UBE2H: variants seen among roughly 807,000 people sequenced by gnomAD.
UBE2H encodes the protein ubiquitin-conjugating enzyme E2 H.
UBE2H carries 3 observed loss-of-function variants against 29.0 expected under a neutral mutation model. That is an observed-to-expected ratio of 0.10 (90% CI 0.05 to 0.27). UBE2H has a LOEUF of 0.27. Ranked by LOEUF, UBE2H falls within the 10% of genes least tolerant of loss-of-function variation. The probability of loss-of-function intolerance (pLI) is 1.00; values close to 1 mark genes in which losing one functional copy is unlikely to be tolerated. For missense variants in UBE2H, 68 were observed against 228.2 expected, an observed-to-expected ratio of 0.30 and a Z score of 4.52; for synonymous variants, 69 against 82.9, an observed-to-expected ratio of 0.83 and a Z score of 0.91.
chr7:129,934,959 A>G (rs868343838), intron 1 of UBE2H, among the ~76,000 whole-genome samples: 25 of 149,636 alleles, frequency 1.7e-4, no homozygotes, highest in African/African-American at 2.5e-4. Flanking sequence ...GTGTGTGTGT[A>G]TATATATGTG....
At chr7:129,947,937 C>G (rs1168772937) in intron 1 of UBE2H, among the ~76,000 whole-genome samples, 2 of 152,148 alleles carry the variant, frequency 1.3e-5, no homozygotes, top group Non-Finnish European at 1.5e-5. Flanking sequence ...ACCACAACCT[C>G]CGCCTCATGG....
chr7:129,854,637 A>C (rs1805672695), intron 5 of UBE2H, among the ~76,000 whole-genome samples: 1 of 152,224 alleles, frequency 6.6e-6, no homozygotes, highest in African/African-American at 2.4e-5. Context: ...AAACTTACTC[A>C]TGTTGGCCAC....
intron 5 of UBE2H, chr7:129,839,738 T>G (rs1805393053): frequency 4.1e-6 from 1 of 243,632 alleles, no homozygotes; most frequent in African/African-American, 2.4e-5. Context: ...TGAGACAGAG[T>G]CTTGCTCTAT....
chr7:129,903,885 TAG>T (rs1806765725), intron 1 of UBE2H, among the ~76,000 whole-genome samples: 1 of 152,182 alleles, frequency 6.6e-6, no homozygotes, highest in Non-Finnish European at 1.5e-5. Flanking sequence ...GCCTCGGCAA[TAG>T]AGTGACACCC....
At chr7:129,846,314 C>T (rs1050452147) in intron 5 of UBE2H, among the ~76,000 whole-genome samples, 2 of 151,690 alleles carry the variant, frequency 1.3e-5, no homozygotes, top group African/African-American at 4.8e-5. Flanking sequence ...TCAATAACAG[C>T]CTGGGCAACA....
At chr7:129,913,850 G>C (rs1806989514) in intron 1 of UBE2H, among the ~76,000 whole-genome samples, 1 of 152,142 alleles carries the variant, frequency 6.6e-6, no homozygotes, top group Non-Finnish European at 1.5e-5. Context: ...ATCTAGTAGG[G>C]AGCGGGTGAC....
intron 1 of UBE2H, among the ~76,000 whole-genome samples, chr7:129,934,957 G>A (rs200578762): frequency 4.0e-5 from 6 of 149,410 alleles, no homozygotes; most frequent in South Asian, 2.1e-4. Flanking sequence ...GTGTGTGTGT[G>A]TATATATATG....
chr7:129,935,017 G>GTA (rs1203975010), intron 1 of UBE2H, among the ~76,000 whole-genome samples: 183 of 151,372 alleles, frequency 1.2e-3, no homozygotes, highest in Non-Finnish European at 1.0e-3. Flanking sequence ...GTGTGTGTGT[G>GTA]TGTATATATA....
chr7:129,872,055 A>C (rs1806049445), intron 3 of UBE2H, among the ~76,000 whole-genome samples: 1 of 152,122 alleles, frequency 6.6e-6, no homozygotes, highest in Non-Finnish European at 1.5e-5. Context: ...GGGTTTCACC[A>C]TATTGGTGAG....
At chr7:129,855,095 G>T (rs1805680960) in intron 5 of UBE2H, among the ~76,000 whole-genome samples, 1 of 152,180 alleles carries the variant, frequency 6.6e-6, no homozygotes, top group Non-Finnish European at 1.5e-5. Flanking sequence ...CTGTGGTGAT[G>T]GCTGCATATA....
intron 1 of UBE2H, among the ~76,000 whole-genome samples, chr7:129,919,171 GAAAGA>G (rs139071814): frequency 0.012 from 1,790 of 148,872 alleles, 37 homozygotes; most frequent in African/African-American, 0.042. Context: ...CATATGCTAG[GAAAGA>G]ATAGAAAATG....
intron 5 of UBE2H, among the ~76,000 whole-genome samples, chr7:129,849,398 T>C (rs1477237171): frequency 6.6e-6 from 1 of 152,148 alleles, no homozygotes; most frequent in Non-Finnish European, 1.5e-5. Context: ...GCCAACATGG[T>C]GAAATCCTGT....
At chr7:129,858,212 A>G (rs2116317284) in intron 4 of UBE2H, among the ~76,000 whole-genome samples, 1 of 152,336 alleles carries the variant, frequency 6.6e-6, no homozygotes, top group Non-Finnish European at 1.5e-5. Flanking sequence ...CTGTGGATAG[A>G]TAAGAGAATA....
intron 1 of UBE2H, among the ~76,000 whole-genome samples, chr7:129,926,537 T>C (rs909829245): frequency 4.2e-4 from 64 of 150,896 alleles, no homozygotes; most frequent in Non-Finnish European, 8.0e-4. Flanking sequence ...AAGAAACTCC[T>C]GGCCTCGAGT....
At chr7:129,867,724 C>CAAAAAAAAAAAAAAAAAAAAAAAAAAAAA (rs1473451530) in intron 3 of UBE2H, among the ~76,000 whole-genome samples, 18 of 31,194 alleles carry the variant, frequency 5.8e-4, no homozygotes, top group East Asian at 9.3e-4. Context: ...AAAAGAAAAC[C>CAAAAAAAAAAAAAAAAAAAAAAAAAAAAA]AAAAAAAAAA....
chr7:129,867,122 C>G (rs1805919671), intron 3 of UBE2H, among the ~76,000 whole-genome samples: 1 of 152,126 alleles, frequency 6.6e-6, no homozygotes, highest in South Asian at 2.1e-4. Context: ...CTCTGTCACA[C>G]TAGAAATGGA....
At chr7:129,900,987 T>C (rs886968292) in intron 1 of UBE2H, among the ~76,000 whole-genome samples, 4 of 152,144 alleles carry the variant, frequency 2.6e-5, no homozygotes, top group Non-Finnish European at 5.9e-5. Context: ...CCTGACCTCA[T>C]GATCCACTCG....
At position 129,832,896 on chromosome 7, in the gene UBE2H, G is replaced by T. The variant is rs1416722684; in HGVS notation, c.*2041C>A. ...ATAAATGTCATAGCACAAGCAAACT[G>T]CAAAGTCAGCAGGTAAGCAAGTTAG... On this transcript the variant is annotated 3_prime_UTR_variant, in exon 7 of 7. Transcript: ENST00000355621. 6.6e-6 allele frequency: 1 copy of T among 152,124 alleles called. No homozygotes were observed. Among genetic ancestry groups the T allele is most frequent in the Non-Finnish European group, 1.5e-5 (1 of 68,048 alleles). 9.4% of individuals were successfully genotyped at this position (152,124 alleles called of 1,614,324 possible).
chr7:129,849,873 T>A (rs569594512), intron 5 of UBE2H, among the ~76,000 whole-genome samples: 2 of 152,260 alleles, frequency 1.3e-5, no homozygotes, highest in East Asian at 3.9e-4. Flanking sequence ...GTGGAGAAAA[T>A]ATATAAAAAG....
Sources: gnomAD v4.1 joint callset for allele counts (sites outside exome capture counted in the v4.1 genomes callset) on GRCh38, gnomAD v4.1.1 for gene constraint, MANE v1.5 for transcripts, NCBI Gene and HGNC (gene_info 2026-07-23, HGNC 2026-07-21) for gene names.